The following RYR2 variants were observed in gnomAD, a reference collection of about 807,000 sequenced individuals.
RYR2 encodes ryanodine receptor 2.
Under a neutral mutation model 601.1 loss-of-function variants are expected in RYR2, and 227 were observed. The ratio of observed to expected loss-of-function variants is 0.38; its 90% CI spans 0.34 to 0.42. RYR2 has a LOEUF of 0.42. RYR2 is among the 10% of genes least tolerant of loss of function. The probability of loss-of-function intolerance (pLI) is 1.00; values close to 1 mark genes in which losing one functional copy is unlikely to be tolerated. For synonymous variants in RYR2, 2,223 were observed against 2,175.1 expected, an observed-to-expected ratio of 1.02 and a Z score of -0.61; for missense variants, 4,646 against 6,156.5, an observed-to-expected ratio of 0.75 and a Z score of 8.21.
Position 237,833,168 on chromosome 1 carries a change from A to ATTTT in RYR2, c.*522_*525dup, listed in dbSNP as rs746407756. 7.1e-6 allele frequency: 1 copy of ATTTT among 141,638 alleles called. No individual in the cohort carries two copies. Among genetic ancestry groups the ATTTT allele is most frequent in the Non-Finnish European group, 1.5e-5 (1 of 64,674 alleles). The allele number at this position is 141,638 out of a possible 1,614,324, so 8.8% of individuals were successfully genotyped here. A position where few individuals can be genotyped will look rare whatever the true frequency, so the allele number is the denominator to read the frequency against. ...GATACGTGCATGAAAAAACATCTTT[A>ATTTT]TTTTCTTTATGTCGACCTTTCTTTT... On this transcript the variant is annotated 3_prime_UTR_variant, in exon 105 of 105. Transcript: ENST00000366574.
At chr1:237,316,466 G>A (rs1695123491) in intron 2 of RYR2, among the ~76,000 whole-genome samples, 1 of 152,046 alleles carries the variant, frequency 6.6e-6, no homozygotes, top group Non-Finnish European at 1.5e-5. Context: ...TGATATCTTA[G>A]TTTCAGATCC....
Position 237,503,445 on chromosome 1 carries a change from G to A in RYR2, c.2553G>A (p.Leu851=), listed in dbSNP as rs1664875424. Residue 851 remains leucine (L), a synonymous_variant, in exon 22 of 105, where the codon CTG becomes CTA. Transcript: ENST00000366574. ...KQERTYTRDL[L]GPTVSLTQAA... ...AAAGAACTTACACACGCGACCTGCT[G>A]GGCCCCACAGTTTCCCTGACGCAAG... The A allele has an allele frequency of 6.2e-7, 1 of 1,613,918 alleles. No homozygotes were observed. Among genetic ancestry groups the A allele is most frequent in the Non-Finnish European group, 8.5e-7 (1 of 1,179,880 alleles).
chr1:237,532,533 C>T (rs1441504529), intron 25 of RYR2, among the ~76,000 whole-genome samples: 1 of 151,952 alleles, frequency 6.6e-6, no homozygotes, highest in African/African-American at 2.4e-5. Flanking sequence ...TCATCCTTTC[C>T]AAACCACTCT....
chr1:237,330,654 C>A (rs569684343), intron 2 of RYR2, among the ~76,000 whole-genome samples: 45 of 152,336 alleles, frequency 3.0e-4, no homozygotes, highest in African/African-American at 9.9e-4. Flanking sequence ...TCCCAGAGTG[C>A]TGGGATTACA....
At chr1:237,393,366 G>T (rs1299659899) in intron 10 of RYR2, among the ~76,000 whole-genome samples, 1 of 152,152 alleles carries the variant, frequency 6.6e-6, no homozygotes, top group East Asian at 1.9e-4. Flanking sequence ...TTAATATTAT[G>T]ATGATTTAAT....
At chr1:237,808,427 G>A (rs1272912074) in intron 99 of RYR2, among the ~76,000 whole-genome samples, 1 of 152,060 alleles carries the variant, frequency 6.6e-6, no homozygotes, top group Non-Finnish European at 1.5e-5. Flanking sequence ...TTGAGATGCC[G>A]AGGCGGGCAG....
At chr1:237,711,896 T>G (rs1688872157) in intron 71 of RYR2, 59 bp downstream of exon 71, 1 of 818,752 alleles carries the variant, frequency 1.2e-6, no homozygotes, top group Non-Finnish European at 2.0e-6. Context: ...TTTCATGAAT[T>G]GACTTTTTTT....
intron 100 of RYR2, among the ~76,000 whole-genome samples, chr1:237,809,464 T>A (rs1240700300): frequency 7.2e-5 from 11 of 152,204 alleles, no homozygotes; most frequent in Non-Finnish European, 5.9e-5. Context: ...TTATATTGAG[T>A]ATCTTGGCTT....
chr1:237,552,364 TG>T (rs1670485254), intron 27 of RYR2, among the ~76,000 whole-genome samples: 1 of 152,116 alleles, frequency 6.6e-6, no homozygotes, highest in Non-Finnish European at 1.5e-5. Flanking sequence ...AAATAGAAAT[TG>T]TTTTAAAAAC....
chr1:237,722,882 G>C (rs535033252), intron 73 of RYR2, among the ~76,000 whole-genome samples: 1 of 118,764 alleles, frequency 8.4e-6, no homozygotes, highest in Non-Finnish European at 2.1e-5. Flanking sequence ...TGTGCTAAGA[G>C]CTCCTGGAAT....
intron 1 of RYR2, among the ~76,000 whole-genome samples, chr1:237,135,403 T>C (rs955467338): frequency 6.6e-6 from 1 of 151,774 alleles, no homozygotes; most frequent in Non-Finnish European, 1.5e-5. Flanking sequence ...AGAGTCTCGC[T>C]CTGTTACCCA....
At chr1:237,417,268 T>C in intron 11 of RYR2, 145 bp downstream of exon 11, 1 of 633,250 alleles carries the variant, frequency 1.6e-6, no homozygotes, top group Non-Finnish European at 2.8e-6. Context: ...CAGTTTCTCT[T>C]TTGTCTATTT....
At chr1:237,127,431 C>T (rs2148678838) in intron 1 of RYR2, among the ~76,000 whole-genome samples, 1 of 150,952 alleles carries the variant, frequency 6.6e-6, no homozygotes, top group Admixed American at 6.6e-5. Context: ...CCCCACCTCC[C>T]TCCCAGAAGG....
At position 237,160,636 on chromosome 1, in the gene RYR2, A is replaced by G. The variant is rs17625146; in HGVS notation, c.49-109861A>G. 6.4e-4 allele frequency among the ~76,000 whole-genome samples: 97 copies of G among 151,956 alleles called. 1 individual carries two copies. Among genetic ancestry groups the G allele is most frequent in the Middle Eastern group, 3.4e-3 (1 of 294 alleles). On this transcript the variant is annotated intron_variant, in intron 1 of 104. Coordinates refer to ENST00000366574, the MANE Select transcript of RYR2 (RefSeq NM_001035.3). ...ATTCATCCTGCTAATTGAGTTGTCC[A>G]TTTTACTAATGTCTTCTGACAGCCT...
At chr1:237,743,798 CAA>C (rs1293263000) in intron 80 of RYR2, among the ~76,000 whole-genome samples, 3 of 152,214 alleles carry the variant, frequency 2.0e-5, no homozygotes, top group African/African-American at 7.2e-5. Flanking sequence ...TCCTTTGACA[CAA>C]GTTTATTCTT....
At chr1:237,337,176 C>G (rs778287445) in intron 3 of RYR2, among the ~76,000 whole-genome samples, 2 of 149,134 alleles carry the variant, frequency 1.3e-5, no homozygotes, top group Non-Finnish European at 3.0e-5. Context: ...CACTTGAACC[C>G]GGGAGGCGGA....
intron 19 of RYR2, among the ~76,000 whole-genome samples, chr1:237,494,952 A>G (rs865942336): frequency 1.4e-4 from 21 of 152,054 alleles, no homozygotes; most frequent in African/African-American, 3.9e-4. Flanking sequence ...CACCACACCC[A>G]GCTAATTTTT....
intron 6 of RYR2, among the ~76,000 whole-genome samples, chr1:237,373,147 C>T (rs574184202): frequency 2.6e-5 from 4 of 152,160 alleles, no homozygotes; most frequent in Admixed American, 1.3e-4. Context: ...ATGTTAAGCA[C>T]AATTTATATT....
intron 32 of RYR2, among the ~76,000 whole-genome samples, chr1:237,593,207 A>C (rs1000491305): frequency 6.6e-6 from 1 of 152,132 alleles, no homozygotes; most frequent in Non-Finnish European, 1.5e-5. Flanking sequence ...GCATAAAAAG[A>C]CTTAAATCAT....
Sources: gnomAD v4.1 joint callset for allele counts (sites outside exome capture counted in the v4.1 genomes callset) on GRCh38, gnomAD v4.1.1 for gene constraint, MANE v1.5 for transcripts, NCBI Gene and HGNC (gene_info 2026-07-23, HGNC 2026-07-21) for gene names.